Variants in WWOX observed in about 807,000 individuals in gnomAD.
WWOX encodes WW domain containing oxidoreductase.
WWOX carries 69 observed loss-of-function variants against 46.2 expected under a neutral mutation model. The ratio of observed to expected loss-of-function variants is 1.49; its 90% confidence interval spans 1.23 to 1.82. The LOEUF is 1.82. Ranked by LOEUF, WWOX falls within the 40% of genes most tolerant of loss-of-function variation. WWOX has a pLI of 0.00. For synonymous variants in WWOX, 359 were observed against 202.6 expected, an observed-to-expected ratio of 1.77 and a Z score of -6.56; for missense variants, 919 against 542.6, an observed-to-expected ratio of 1.69 and a Z score of -6.89.
intron 1 of WWOX, among the ~76,000 whole-genome samples, chr16:78,106,421 GTTTTTTTT>G (rs34551316): frequency 3.3e-5 from 4 of 122,972 alleles, no homozygotes; most frequent in Non-Finnish European, 6.7e-5. Context: ...GTTTTTTTTT[GTTTTTTTT>G]TTTTTTTTTT....
At chr16:78,340,974 A>G (rs13329904) in intron 5 of WWOX, among the ~76,000 whole-genome samples, 13,125 of 118,078 alleles carry the variant, frequency 0.11, 4,007 homozygotes, top group African/African-American at 0.33. Flanking sequence ...AGCTGTACAT[A>G]GCTGACACAC....
rs1415992792 is a variant in WWOX, at chr16:78,734,840, CCTTTTTTTTT to C, written c.1056+302089_1056+302098del. On this transcript the variant is annotated intron_variant, in intron 8 of 8. Transcript: ENST00000566780. ...TGATGACTCAGGTGGGGACTTCAGT[CCTTTTTTTTT>C]TTTTTTTTTTTTTTTTTTTTTTTTT... 1.5e-4 allele frequency among the ~76,000 whole-genome samples: 9 copies of C among 61,706 alleles called. No homozygotes were observed. In the South Asian group the frequency reaches 2.6e-3, roughly 18 times the overall value. The allele number at this position is 61,706 out of a possible 152,430, so 40.5% of individuals were successfully genotyped here.
chr16:79,013,984 C>G (rs1007855175), intron 8 of WWOX, among the ~76,000 whole-genome samples: 1 of 152,146 alleles, frequency 6.6e-6, no homozygotes, highest in Non-Finnish European at 1.5e-5. Context: ...GGATTTTTTG[C>G]TCTCCTCCTT....
intron 8 of WWOX, among the ~76,000 whole-genome samples, chr16:78,985,395 G>C (rs1301349079): frequency 1.3e-5 from 2 of 152,162 alleles, no homozygotes; most frequent in Non-Finnish European, 1.5e-5. Flanking sequence ...AGCAGTGTCA[G>C]GGTCCCCGTG....
At chr16:78,586,158 A>G (rs2045201999) in intron 8 of WWOX, among the ~76,000 whole-genome samples, 2 of 152,122 alleles carry the variant, frequency 1.3e-5, no homozygotes, top group African/African-American at 4.8e-5. Context: ...GGAGTTCAAG[A>G]CTAGCCTGGG....
At chr16:78,645,832 G>T (rs2046826717) in intron 8 of WWOX, among the ~76,000 whole-genome samples, 1 of 152,240 alleles carries the variant, frequency 6.6e-6, no homozygotes, top group East Asian at 1.9e-4. Context: ...CAAGGTGTTG[G>T]CAGGGCTGGG....
intron 5 of WWOX, among the ~76,000 whole-genome samples, chr16:78,252,301 T>C (rs1197374831): frequency 6.6e-6 from 1 of 152,252 alleles, no homozygotes; most frequent in African/African-American, 2.4e-5. Context: ...TATATGTGCA[T>C]ACACATACAT....
chr16:78,689,740 A>G (rs2047942758), intron 8 of WWOX, among the ~76,000 whole-genome samples: 1 of 152,114 alleles, frequency 6.6e-6, no homozygotes, highest in Admixed American at 6.6e-5. Context: ...TCTTTATTAT[A>G]TTTGGAGTTG....
intron 8 of WWOX, among the ~76,000 whole-genome samples, chr16:78,642,601 C>T (rs566823491): frequency 4.6e-5 from 7 of 152,198 alleles, no homozygotes; most frequent in African/African-American, 1.7e-4. Context: ...GTTGAGTCTC[C>T]ATGTTTTTGT....
chr16:79,097,848 T>A (rs149350714), intron 8 of WWOX, among the ~76,000 whole-genome samples: 1,685 of 152,290 alleles, frequency 0.011, 17 homozygotes, highest in Non-Finnish European at 0.015. Flanking sequence ...TCTGTTGATT[T>A]TGACCATTGC....
chr16:78,833,544 A>G (rs1179564161), intron 8 of WWOX, among the ~76,000 whole-genome samples: 1 of 152,104 alleles, frequency 6.6e-6, no homozygotes, highest in African/African-American at 2.4e-5. Context: ...ACACTCTTTT[A>G]TCATAACCCC....
At chr16:79,149,818 G>C (rs151019089) in intron 8 of WWOX, among the ~76,000 whole-genome samples, 2,025 of 152,252 alleles carry the variant, frequency 0.013, 24 homozygotes, top group Non-Finnish European at 0.02. Flanking sequence ...TGGCATGGAT[G>C]CTCCTCCTAT....
chr16:78,469,425 A>C (rs1037231602), intron 8 of WWOX, among the ~76,000 whole-genome samples: 2 of 152,190 alleles, frequency 1.3e-5, no homozygotes, highest in African/African-American at 4.8e-5. Flanking sequence ...AAGGCAAACC[A>C]AAAGTGAGCA....
At chr16:79,072,110 C>G (rs1205389213) in intron 8 of WWOX, among the ~76,000 whole-genome samples, 1 of 151,968 alleles carries the variant, frequency 6.6e-6, no homozygotes, top group East Asian at 1.9e-4. Flanking sequence ...CAGTGAGACT[C>G]CATCTCTACA....
chr16:78,190,095 G>C (rs368547154), intron 5 of WWOX, among the ~76,000 whole-genome samples: 1 of 152,194 alleles, frequency 6.6e-6, no homozygotes, highest in African/African-American at 2.4e-5. Context: ...GAGGGGGGTG[G>C]TGGTAATTTG....
rs998782911 is a variant in WWOX, at chr16:78,802,798, C to T, written c.1056+370046C>T. Among the ~76,000 whole-genome samples the T allele has an allele frequency of 2.5e-4, 37 of 150,970 alleles. 1 individual carries two copies. The highest frequency in any genetic ancestry group is 5.0e-4 in the Non-Finnish European group (34 of 67,754). ...AGGTGTGGTGGTGGGCGCCTGTAAT[C>T]CCAGCTACATGGGAGGCTGAAGCAG... On this transcript the variant is annotated intron_variant, in intron 8 of 8. Coordinates refer to ENST00000566780, the MANE Select transcript of WWOX (RefSeq NM_016373.4).
intron 8 of WWOX, among the ~76,000 whole-genome samples, chr16:79,066,698 C>T (rs2048448267): frequency 1.3e-5 from 2 of 152,244 alleles, no homozygotes; most frequent in Non-Finnish European, 2.9e-5. Context: ...TTCTCAGGCT[C>T]TGTGCCATGA....
At chr16:78,969,156 A>G (rs2046420539) in intron 8 of WWOX, among the ~76,000 whole-genome samples, 1 of 151,892 alleles carries the variant, frequency 6.6e-6, no homozygotes, top group South Asian at 2.1e-4. Context: ...GTCTGGTCTT[A>G]TGGGTCTGGG....
chr16:78,681,173 C>A (rs968850019), intron 8 of WWOX, among the ~76,000 whole-genome samples: 1 of 152,078 alleles, frequency 6.6e-6, no homozygotes, highest in South Asian at 2.1e-4. Flanking sequence ...CACTTGAACC[C>A]GAGAGGCGGA....
Sources: gnomAD v4.1 joint callset for allele counts (sites outside exome capture counted in the v4.1 genomes callset) on GRCh38, gnomAD v4.1.1 for gene constraint, MANE v1.5 for transcripts, NCBI Gene and HGNC (gene_info 2026-07-23, HGNC 2026-07-21) for gene names.